Variants in PIPOX observed in about 807,000 individuals in gnomAD.
PIPOX encodes the protein pipecolic acid and sarcosine oxidase, also known as peroxisomal sarcosine oxidase.
A neutral mutation model predicts 47.9 loss-of-function variants in PIPOX; 45 were observed. That is an observed-to-expected ratio of 0.94 (90% CI 0.74 to 1.20). The LOEUF (loss-of-function observed/expected upper bound fraction) is 1.20. Among genes scored for constraint, PIPOX ranks in the 50% most tolerant of loss-of-function variants. The pLI, the probability that PIPOX is intolerant of heterozygous loss-of-function variation, is 0.00. For missense variants in PIPOX, 458 were observed against 498.4 expected (o/e 0.92, Z 0.77); for synonymous variants, 165 against 191.3 (o/e 0.86, Z 1.13).
At chr17:29,054,828 G>A (rs2065820957) in intron 5 of PIPOX, 137 bp downstream of exon 5, 5 of 1,148,174 alleles carry the variant, frequency 4.4e-6, no homozygotes, top group Non-Finnish European at 6.1e-6. Context: ...CGATTTGCAA[G>A]GAAAGACCCT....
chr17:29,051,465 T>G (rs1343739720), intron 2 of PIPOX, among the ~76,000 whole-genome samples: 7 of 152,222 alleles, frequency 4.6e-5, no homozygotes, highest in Non-Finnish European at 1.0e-4. Context: ...GACTCCATTA[T>G]AGGCTATTAC....
intron 6 of PIPOX, 139 bp from the exon 7 acceptor site, chr17:29,055,673 CG>C: frequency 2.7e-6 from 2 of 745,044 alleles, no homozygotes; most frequent in Non-Finnish European, 4.7e-6. Flanking sequence ...CAGAGGGGCA[CG>C]GGCATGCGGA....
chr17:29,048,950 T>C (rs2065795325), intron 2 of PIPOX, among the ~76,000 whole-genome samples: 1 of 152,142 alleles, frequency 6.6e-6, no homozygotes, highest in African/African-American at 2.4e-5. Context: ...AGCTGAAGCT[T>C]GGGATGGGAG....
intron 2 of PIPOX, 131 bp downstream of exon 2, chr17:29,045,138 T>A (rs1460238108): frequency 9.7e-7 from 1 of 1,028,070 alleles, no homozygotes; most frequent in African/African-American, 1.6e-5. Context: ...AAGTACCAGA[T>A]GCATGGAAGA....
At chr17:29,052,098 A>C (rs1473695167) in intron 2 of PIPOX, 1 of 464,254 alleles carries the variant, frequency 2.2e-6, no homozygotes, top group Non-Finnish European at 4.5e-6. Context: ...CTTTCCACAA[A>C]ACAGGCAGCC....
chr17:29,054,817 G>T, intron 5 of PIPOX, 126 bp downstream of exon 5: 1 of 1,194,912 alleles, frequency 8.4e-7, no homozygotes, highest in Non-Finnish European at 1.2e-6. Context: ...TTCACTCATG[G>T]CGATTTGCAA....
chr17:29,045,444 C>CT (rs1337144123), intron 2 of PIPOX, among the ~76,000 whole-genome samples: 3 of 90,434 alleles, frequency 3.3e-5, no homozygotes, highest in South Asian at 8.1e-4. Context: ...CAGAGTCTCG[C>CT]TTTTTTGTCA....
At chr17:29,046,241 C>T (rs1295340381) in intron 2 of PIPOX, among the ~76,000 whole-genome samples, 1 of 152,182 alleles carries the variant, frequency 6.6e-6, no homozygotes, top group African/African-American at 2.4e-5. Flanking sequence ...GGCAGAGGGA[C>T]CCCTCTCTGT....
chr17:29,054,025 A>G (rs2065817399), intron 4 of PIPOX, among the ~76,000 whole-genome samples: 1 of 152,012 alleles, frequency 6.6e-6, no homozygotes, highest in Non-Finnish European at 1.5e-5. Context: ...TACAAAAACT[A>G]AGAAAAATTA....
intron 2 of PIPOX, among the ~76,000 whole-genome samples, chr17:29,050,962 C>T (rs933750417): frequency 2.0e-5 from 3 of 151,908 alleles, no homozygotes; most frequent in Admixed American, 2.0e-4. Context: ...CAACAAGGCT[C>T]AATACAAAAA....
intron 2 of PIPOX, among the ~76,000 whole-genome samples, chr17:29,045,578 T>G (rs1012674353): frequency 1.3e-5 from 2 of 151,762 alleles, no homozygotes; most frequent in Non-Finnish European, 2.9e-5. Flanking sequence ...ACCCAGCTAA[T>G]TTTTGTATTT....
Position 29,043,147 on chromosome 17 carries a change from C to T in PIPOX, c.-79C>T. 1.8e-6 allele frequency: 2 copies of T among 1,134,406 alleles called. No homozygotes were observed. Among genetic ancestry groups the T allele is most frequent in the Non-Finnish European group, 2.6e-6 (2 of 773,176 alleles). 70.3% of individuals were successfully genotyped at this position (1,134,406 alleles called of 1,614,324 possible). A position where few individuals can be genotyped will look rare whatever the true frequency, so the allele number is the denominator to read the frequency against. On this transcript the variant is annotated 5_prime_UTR_variant, in exon 1 of 8. Transcript: ENST00000323372. The stretch of plus-strand genomic sequence containing the variant: ...ACTGGCCAGGCTGGACTTTGCCTTC[C>T]TCCTCGTCCTTTAGCCGGGAGCCTG...
intron 1 of PIPOX, among the ~76,000 whole-genome samples, chr17:29,043,727 GGTT>G (rs1334996006): frequency 6.6e-6 from 1 of 152,078 alleles, no homozygotes; most frequent in Non-Finnish European, 1.5e-5. Flanking sequence ...TAGAGGCAAA[GGTT>G]GATTTATCAG....
intron 2 of PIPOX, 50 bp from the exon 3 acceptor site, chr17:29,052,870 G>A: frequency 6.5e-7 from 1 of 1,541,058 alleles, no homozygotes; most frequent in Non-Finnish European, 9.0e-7. Flanking sequence ...GTCACATCAG[G>A]CCCAGGATTT....
intron 2 of PIPOX, among the ~76,000 whole-genome samples, chr17:29,048,641 G>A (rs922821561): frequency 6.6e-6 from 1 of 152,228 alleles, no homozygotes; most frequent in African/African-American, 2.4e-5. Flanking sequence ...CCCCTGCTTA[G>A]CTGACAGTAT....
chr17:29,055,933 C>G, intron 7 of PIPOX, 45 bp downstream of exon 7: 2 of 1,522,718 alleles, frequency 1.3e-6, no homozygotes, highest in South Asian at 2.2e-5. Flanking sequence ...AGCTGACCTA[C>G]CTCAGTGCCA....
At position 29,055,176 on chromosome 17, in the gene PIPOX, T is replaced by C. The variant is rs1290356182; in HGVS notation, c.921T>C (p.Pro307=). 1 of 1,614,014 alleles carries C rather than the reference T, an allele frequency of 6.2e-7. No homozygotes were observed. Among genetic ancestry groups the C allele is most frequent in the Non-Finnish European group, 8.5e-7 (1 of 1,180,040 alleles). Residue 307 remains proline, a synonymous_variant, in exon 6 of 8, where the codon CCT becomes CCC. Coordinates refer to ENST00000323372, the MANE Select transcript of PIPOX (RefSeq NM_016518.3). ...ILSSFVRDHL[P]DLKPEPAVIE... ...GCAGCTTTGTCAGAGATCACTTACCTGATCTGAAGCCCGAGCCTGCTGTCA... is the reference window on the plus strand; with the variant it reads ...GCAGCTTTGTCAGAGATCACTTACCCGATCTGAAGCCCGAGCCTGCTGTCA...
chr17:29,046,675 T>C (rs1441794243), intron 2 of PIPOX: 4 of 983,608 alleles, frequency 4.1e-6, no homozygotes, highest in Non-Finnish European at 3.6e-6. Context: ...CCAAGGGGAG[T>C]GGCAGCAGGA....
At chr17:29,056,093 C>T in intron 7 of PIPOX, 82 bp from the exon 8 acceptor site, 2 of 1,555,646 alleles carry the variant, frequency 1.3e-6, no homozygotes, top group Middle Eastern at 2.0e-4. Flanking sequence ...GACAGTCAGC[C>T]CTGTCTGGGT....
Sources: allele counts gnomAD v4.1 joint callset (sites outside exome capture counted in the v4.1 genomes callset), GRCh38; gene constraint gnomAD v4.1.1; transcripts MANE v1.5; gene names NCBI Gene and HGNC (gene_info 2026-07-23, HGNC 2026-07-21).